SLC6A15: variants seen among roughly 807,000 people sequenced by gnomAD.
SLC6A15 encodes sodium-dependent neutral amino acid transporter B(0)AT2.
A neutral mutation model predicts 68.5 loss-of-function variants in SLC6A15; 33 were observed. The observed-to-expected ratio is 0.48, with a 90% CI of 0.37 to 0.64. The LOEUF (loss-of-function observed/expected upper bound fraction) is 0.64. SLC6A15 is among the 30% of genes least tolerant of loss of function. The pLI, the probability that SLC6A15 is intolerant of heterozygous loss-of-function variation, is 0.00. For synonymous variants in SLC6A15, 347 were observed against 301.0 expected, an observed-to-expected ratio of 1.15 and a Z score of -1.58; for missense variants, 747 against 874.3, an observed-to-expected ratio of 0.85 and a Z score of 1.84.
At position 84,885,974 on chromosome 12, in the gene SLC6A15, G is replaced by T; in HGVS notation, c.384C>A (p.Gly128=). 3.7e-6 allele frequency: 6 copies of T among 1,613,034 alleles called. No individual in the cohort carries two copies. The highest frequency in any genetic ancestry group is 5.1e-6 in the Non-Finnish European group (6 of 1,179,398). The change falls in exon 3 of 12, where the codon GGC becomes GGA. Residue 128 remains glycine, a synonymous_variant. Transcript: ENST00000266682. ...ELSVGQRIRR[G]SIGVWNYISP... is the part of the protein sequence containing the mutation. ...TTATGTAATTCCATACACCAATGCT[G>T]CCTCGCCGAATTCTTTGACCCACAG...
intron 1 of SLC6A15, among the ~76,000 whole-genome samples, chr12:84,910,566 G>A (rs1281411507): frequency 6.6e-6 from 1 of 152,148 alleles, no homozygotes; most frequent in Non-Finnish European, 1.5e-5. Flanking sequence ...TGGTGAAAGC[G>A]AAACATTTCA....
chr12:84,891,977 A>G lies in SLC6A15; in HGVS notation c.144T>C (p.Asp48=). The G allele has an allele frequency of 1.2e-6, 2 of 1,613,994 alleles. No homozygotes were observed. The highest frequency in any genetic ancestry group is 1.7e-5 in the Admixed American group (1 of 59,998). Residue 48 remains aspartate, a synonymous_variant, in exon 2 of 12, where the codon GAT becomes GAC. Coordinates refer to ENST00000266682, the MANE Select transcript of SLC6A15 (RefSeq NM_182767.6). ...CTTCAGATCCTTCTTCAACATCTGT[A>G]TCTTTCTCTTCCTGGCCATCAACAA... ...ELIVDGQEEK[D]TDVEEGSEVE...
intron 2 of SLC6A15, 65 bp from the exon 3 acceptor site, chr12:84,886,133 T>C (rs1872091475): frequency 8.9e-7 from 1 of 1,119,744 alleles, no homozygotes; most frequent in Non-Finnish European, 1.3e-6. Context: ...CTAGTTCAGT[T>C]TATCCCATTA....
At position 84,861,971 on chromosome 12, in the gene SLC6A15, T is replaced by A. The variant is rs113346288; in HGVS notation, c.1854A>T (p.Gly618=). ...SEEFLSYPTW[G]LVVCVSLVVF... is the part of the protein sequence containing the mutation. ...CAACCAGAGAGACACAAACAACCAG[T>A]CCCCATGTTGGATAGCTCAGAAATT... Residue 618 remains glycine, a synonymous_variant, in exon 12 of 12, where the codon GGA becomes GGT. Coordinates refer to ENST00000266682, the MANE Select transcript of SLC6A15 (RefSeq NM_182767.6). 103 of 1,610,298 alleles carry A rather than the reference T, an allele frequency of 6.4e-5. No individual in the cohort carries two copies. In the African/African-American group the frequency reaches 7.8e-4, roughly 12 times the overall value.
chr12:84,911,749 G>T (rs140910791), intron 1 of SLC6A15, among the ~76,000 whole-genome samples: 167 of 152,282 alleles, frequency 1.1e-3, no homozygotes, highest in Non-Finnish European at 2.1e-3. Context: ...CCAGCCTAGT[G>T]AAAGAAAGGT....
rs777819022 is a variant in SLC6A15, at chr12:84,883,986, T to A, written c.629A>T (p.Glu210Val). 6.2e-7 allele frequency: 1 copy of A among 1,614,224 alleles called. No homozygotes were observed. Among genetic ancestry groups the A allele is most frequent in the South Asian group, 1.1e-5 (1 of 91,086 alleles). Residue 210 changes from glutamate (E) to valine (V), a missense_variant, in exon 5 of 12, where the codon GAA becomes GTA. Glu to Val is a moderately radical substitution (Grantham distance 121, BLOSUM62 -2). Transcript: ENST00000266682. ...AATGGAACTTGAAATATTCAGTGCT[T>A]CCCTGTACCAGTAATAGGTGGTGGC... is the stretch of plus-strand genomic sequence containing the variant. ...SSATTYYWYR[E>V]ALNISSSISE...
At chr12:84,893,520 T>C (rs1430379015) in intron 1 of SLC6A15, among the ~76,000 whole-genome samples, 6 of 152,198 alleles carry the variant, frequency 3.9e-5, no homozygotes, top group African/African-American at 1.4e-4. Flanking sequence ...AGCGACACTA[T>C]GTTAAAATGT....
chr12:84,876,986 ATTTCTT>A (rs1871577358), intron 5 of SLC6A15, among the ~76,000 whole-genome samples: 2 of 152,138 alleles, frequency 1.3e-5, no homozygotes, highest in Admixed American at 1.3e-4. Context: ...ATAAAGTCCT[ATTTCTT>A]TTTCTTTTAA....
intron 1 of SLC6A15, among the ~76,000 whole-genome samples, chr12:84,906,079 A>G (rs931202909): frequency 2.0e-5 from 3 of 152,208 alleles, no homozygotes; most frequent in Non-Finnish European, 4.4e-5. Flanking sequence ...AATACCTTCT[A>G]GAGTAATAGT....
chr12:84,903,510 A>G (rs1198083456), intron 1 of SLC6A15, among the ~76,000 whole-genome samples: 2 of 152,204 alleles, frequency 1.3e-5, no homozygotes, highest in Non-Finnish European at 1.5e-5. Context: ...AGACCAAAGA[A>G]TCCAAATTAA....
intron 1 of SLC6A15, among the ~76,000 whole-genome samples, chr12:84,902,336 T>G (rs1416767730): frequency 6.6e-6 from 1 of 152,036 alleles, no homozygotes; most frequent in Non-Finnish European, 1.5e-5. Flanking sequence ...GGCTAAACTT[T>G]GTTTTTTAAA....
intron 5 of SLC6A15, among the ~76,000 whole-genome samples, chr12:84,878,913 T>G (rs967068774): frequency 6.6e-6 from 1 of 151,872 alleles, no homozygotes; most frequent in Non-Finnish European, 1.5e-5. Flanking sequence ...GCCTCCAGAT[T>G]CTGTTAGCTT....
chr12:84,872,958 A>C, intron 7 of SLC6A15, 129 bp downstream of exon 7: 1 of 1,282,580 alleles, frequency 7.8e-7, no homozygotes, highest in Non-Finnish European at 1.1e-6. Flanking sequence ...TTTGACCATT[A>C]TACATTGTAT....
intron 1 of SLC6A15, among the ~76,000 whole-genome samples, chr12:84,904,733 T>A (rs1212187364): frequency 6.6e-6 from 1 of 152,170 alleles, no homozygotes; most frequent in Non-Finnish European, 1.5e-5. Context: ...TTGGATATCG[T>A]AAGTGAAACA....
intron 1 of SLC6A15, among the ~76,000 whole-genome samples, chr12:84,894,259 A>C (rs530968932): frequency 6.6e-6 from 1 of 152,314 alleles, no homozygotes; most frequent in South Asian, 2.1e-4. Context: ...GACATGAATT[A>C]TCCAGAAAAA....
Position 84,870,641 on chromosome 12 carries a change from A to G in SLC6A15, c.1332T>C (p.Ile444=), listed in dbSNP as rs778352448. ...AATGTGTCATCGCTTCTGTAAAGGC[A>G]ATAAAAGCTAAGCCGGTCCCCTGAA... is the stretch of plus-strand genomic sequence containing the variant. The part of the protein sequence containing the change: ...KAVQGTGLAF[I]AFTEAMTHFP... Residue 444 remains isoleucine (I), a synonymous_variant, in exon 9 of 12, where the codon ATT becomes ATC. Transcript: ENST00000266682. 1.2e-6 allele frequency: 2 copies of G among 1,611,862 alleles called. No individual in the cohort carries two copies. Among genetic ancestry groups the G allele is most frequent in the African/African-American group, 1.3e-5 (1 of 74,852 alleles).
chr12:84,872,520 C>A, intron 8 of SLC6A15, 82 bp downstream of exon 8: 1 of 1,198,376 alleles, frequency 8.3e-7, no homozygotes, highest in Non-Finnish European at 1.2e-6. Flanking sequence ...TTTTAAGGCC[C>A]TTTTCCTGAA....
chr12:84,910,533 G>T (rs1265568764), intron 1 of SLC6A15, among the ~76,000 whole-genome samples: 1 of 152,158 alleles, frequency 6.6e-6, no homozygotes, highest in Non-Finnish European at 1.5e-5. Flanking sequence ...CATGTTGTAA[G>T]CTCCCTGCTA....
At chr12:84,902,469 A>T (rs1041855994) in intron 1 of SLC6A15, among the ~76,000 whole-genome samples, 1 of 152,064 alleles carries the variant, frequency 6.6e-6, no homozygotes, top group African/African-American at 2.4e-5. Context: ...ACTAATAAAG[A>T]CTTCTCATAG....
Sources: allele counts gnomAD v4.1 joint callset (sites outside exome capture counted in the v4.1 genomes callset), GRCh38; gene constraint gnomAD v4.1.1; transcripts MANE v1.5; gene names NCBI Gene and HGNC (gene_info 2026-07-23, HGNC 2026-07-21).